The following KIZ variants were observed in gnomAD, a reference collection of about 807,000 sequenced individuals.
KIZ encodes the protein kizuna centrosomal protein.
Under a neutral mutation model 79.6 loss-of-function variants are expected in KIZ, and 68 were observed. That is an observed-to-expected ratio of 0.85 (90% CI 0.70 to 1.05). The LOEUF (loss-of-function observed/expected upper bound fraction) is 1.05, where lower values mean the gene tolerates loss of function less well. KIZ is among the 50% of genes least tolerant of loss of function. KIZ has a pLI of 0.00. For synonymous variants in KIZ, 280 were observed against 281.8 expected, an observed-to-expected ratio of 0.99 and a Z score of 0.06; for missense variants, 797 against 800.4, an observed-to-expected ratio of 1.00 and a Z score of 0.05.
rs568300568 is a variant in KIZ, at chr20:21,226,806, A to C, written c.1679-2205A>C. 1.6e-3 allele frequency among the ~76,000 whole-genome samples: 243 copies of C among 152,348 alleles called. 1 individual carries two copies. The highest frequency in any genetic ancestry group is 5.6e-3 in the African/African-American group (231 of 41,584). On this transcript the variant is annotated intron_variant, in intron 9 of 12. Transcript: ENST00000619189. The stretch of plus-strand genomic sequence containing the variant: ...AGCCCTTTAGGACTCAGGTCAGGGC[A>C]GCTGCATCCCAAATAAAAACTGCCC...
chr20:21,184,024 A>T (rs2034770505), intron 6 of KIZ, among the ~76,000 whole-genome samples: 1 of 152,198 alleles, frequency 6.6e-6, no homozygotes, highest in Non-Finnish European at 1.5e-5. Context: ...CCTGGATCTC[A>T]TGCTTCACTC....
intron 10 of KIZ, among the ~76,000 whole-genome samples, chr20:21,229,938 AT>A (rs1311713428): frequency 2.0e-5 from 3 of 152,090 alleles, no homozygotes; most frequent in East Asian, 1.9e-4. Flanking sequence ...TTTAATTGTA[AT>A]TTTTTTATAC....
intron 6 of KIZ, among the ~76,000 whole-genome samples, chr20:21,169,649 A>G (rs2122779006): frequency 6.6e-6 from 1 of 152,314 alleles, no homozygotes; most frequent in Non-Finnish European, 1.5e-5. Flanking sequence ...TTGCGGCACT[A>G]TTCATAACAG....
intron 2 of KIZ, among the ~76,000 whole-genome samples, chr20:21,135,797 G>A (rs1316044525): frequency 2.0e-5 from 3 of 152,058 alleles, no homozygotes; most frequent in African/African-American, 7.2e-5. Flanking sequence ...TTATACTTTG[G>A]ATAAGAGTCT....
intron 6 of KIZ, among the ~76,000 whole-genome samples, chr20:21,180,253 T>TA (rs2034597839): frequency 1.3e-5 from 2 of 151,576 alleles, no homozygotes; most frequent in African/African-American, 4.8e-5. Flanking sequence ...TTTTTTTTTT[T>TA]AATAAGGAAA....
intron 1 of KIZ, among the ~76,000 whole-genome samples, chr20:21,128,588 C>T (rs543070975): frequency 1.5e-4 from 23 of 152,262 alleles, no homozygotes; most frequent in African/African-American, 5.1e-4. Flanking sequence ...GTAATTTTAT[C>T]GTCTGAATGT....
intron 6 of KIZ, among the ~76,000 whole-genome samples, chr20:21,188,695 T>TATTC (rs2034992560): frequency 6.7e-6 from 1 of 148,898 alleles, no homozygotes; most frequent in Non-Finnish European, 1.5e-5. Context: ...TTTATTTATT[T>TATTC]ATTTATTTAT....
At chr20:21,203,116 C>T (rs926141445) in intron 6 of KIZ, among the ~76,000 whole-genome samples, 4 of 152,136 alleles carry the variant, frequency 2.6e-5, no homozygotes, top group Non-Finnish European at 5.9e-5. Context: ...AATTGTTTTT[C>T]TGCGTTTGTT....
At chr20:21,158,738 C>G (rs1288015664) in intron 4 of KIZ, 2 of 152,052 alleles carry the variant, frequency 1.3e-5, no homozygotes, top group African/African-American at 4.8e-5. Context: ...ACTTTTCTAT[C>G]CTCCTGGATC....
intron 4 of KIZ, among the ~76,000 whole-genome samples, chr20:21,159,863 C>T (rs193078307): frequency 9.9e-5 from 15 of 152,274 alleles, no homozygotes; most frequent in Non-Finnish European, 1.6e-4. Flanking sequence ...TTACACTCTC[C>T]GTACTTCTGC....
chr20:21,239,151 T>C (rs1176739401), intron 11 of KIZ, among the ~76,000 whole-genome samples: 1 of 152,258 alleles, frequency 6.6e-6, no homozygotes, highest in East Asian at 1.9e-4. Flanking sequence ...AAGGCATTAC[T>C]GTCCCCATTC....
At chr20:21,171,562 C>T (rs1354774406) in intron 6 of KIZ, among the ~76,000 whole-genome samples, 4 of 152,180 alleles carry the variant, frequency 2.6e-5, no homozygotes, top group Non-Finnish European at 4.4e-5. Flanking sequence ...CCTGCCACCT[C>T]ACCCTCTTGA....
chr20:21,214,206 A>G (rs1414442134), intron 7 of KIZ, among the ~76,000 whole-genome samples: 10 of 152,234 alleles, frequency 6.6e-5, no homozygotes. Flanking sequence ...TTTTGTATAT[A>G]TCGAAGGGAG....
chr20:21,205,155 A>C (rs1167330212), intron 6 of KIZ, among the ~76,000 whole-genome samples: 1 of 152,184 alleles, frequency 6.6e-6, no homozygotes, highest in African/African-American at 2.4e-5. Context: ...AAAATTTTAA[A>C]GTAAAATGTT....
At chr20:21,188,897 A>T (rs2035002597) in intron 6 of KIZ, among the ~76,000 whole-genome samples, 1 of 151,540 alleles carries the variant, frequency 6.6e-6, no homozygotes, top group South Asian at 2.1e-4. Context: ...TTTGGTAGAG[A>T]CGGGGTTTCA....
chr20:21,191,884 A>G (rs1407909187), intron 6 of KIZ, among the ~76,000 whole-genome samples: 1 of 151,594 alleles, frequency 6.6e-6, no homozygotes, highest in Non-Finnish European at 1.5e-5. Context: ...CTACCAGTGT[A>G]ACAGTAAAAG....
At chr20:21,166,623 ATTTTT>A in intron 6 of KIZ, 4 of 758,156 alleles carry the variant, frequency 5.3e-6, no homozygotes, top group South Asian at 1.8e-5. Flanking sequence ...GAGCTTTTGT[ATTTTT>A]TTTTTTTTTT....
chr20:21,216,241 G>C (rs1466341296), intron 9 of KIZ, among the ~76,000 whole-genome samples: 4 of 152,072 alleles, frequency 2.6e-5, no homozygotes, highest in African/African-American at 4.8e-5. Context: ...TTAGTATTCT[G>C]TACAGAGTTC....
intron 11 of KIZ, among the ~76,000 whole-genome samples, chr20:21,241,105 CTTTTACTTTCTGAAATGCAGTTTTG>C (rs2037201073): frequency 1.3e-5 from 2 of 152,224 alleles, no homozygotes. Flanking sequence ...TCTTTGATTT[CTTTTACTTTCTGAAATGCAGTTTTG>C]TTTTTCTTTC....
Sources: gnomAD v4.1 joint callset for allele counts (sites outside exome capture counted in the v4.1 genomes callset) on GRCh38, gnomAD v4.1.1 for gene constraint, MANE v1.5 for transcripts, NCBI Gene and HGNC (gene_info 2026-07-23, HGNC 2026-07-21) for gene names.